C8orf34: variants seen among roughly 807,000 people sequenced by gnomAD.
C8orf34 encodes chromosome 8 open reading frame 34.
C8orf34 carries 65 observed loss-of-function variants against 68.3 expected under a neutral mutation model. The ratio of observed to expected loss-of-function variants is 0.95; its 90% CI spans 0.78 to 1.17. C8orf34 has a LOEUF of 1.17. Ranked by LOEUF, C8orf34 falls within the 50% of genes most tolerant of loss-of-function variation. The pLI is 0.00. For missense variants in C8orf34, 664 were observed against 655.4 expected, an observed-to-expected ratio of 1.01 and a Z score of -0.14; for synonymous variants, 244 against 241.2, an observed-to-expected ratio of 1.01 and a Z score of -0.11.
intron 1 of C8orf34, among the ~76,000 whole-genome samples, chr8:68,359,995 G>A (rs1292760783): frequency 6.6e-6 from 1 of 152,114 alleles, no homozygotes; most frequent in Admixed American, 6.5e-5. Context: ...ATTTCATGGA[G>A]GTGATCTTAT....
At chr8:68,606,961 G>T (rs1193775707) in intron 7 of C8orf34, among the ~76,000 whole-genome samples, 1 of 152,096 alleles carries the variant, frequency 6.6e-6, no homozygotes, top group Admixed American at 6.6e-5. Flanking sequence ...GGCCACAGGA[G>T]TAAAATGTTG....
At chr8:68,666,330 C>G (rs920369404) in intron 8 of C8orf34, among the ~76,000 whole-genome samples, 3 of 152,066 alleles carry the variant, frequency 2.0e-5, no homozygotes, top group Non-Finnish European at 4.4e-5. Context: ...AAGAAAGTAC[C>G]CCATGTCTTT....
chr8:68,711,288 G>C (rs1821323258), intron 9 of C8orf34, among the ~76,000 whole-genome samples: 1 of 152,064 alleles, frequency 6.6e-6, no homozygotes, highest in South Asian at 2.1e-4. Context: ...GATCATACGA[G>C]CTCACAAGCA....
chr8:68,739,022 A>G (rs1328692594), intron 10 of C8orf34, among the ~76,000 whole-genome samples: 1 of 152,196 alleles, frequency 6.6e-6, no homozygotes, highest in Non-Finnish European at 1.5e-5. Context: ...AATATTCTTA[A>G]TGAATGTTGA....
intron 10 of C8orf34, among the ~76,000 whole-genome samples, chr8:68,738,847 A>G (rs1427712944): frequency 6.6e-6 from 1 of 152,190 alleles, no homozygotes; most frequent in Non-Finnish European, 1.5e-5. Context: ...GCTGAATTCT[A>G]CCAGATGTAC....
At chr8:68,745,040 C>T (rs1290136385) in intron 10 of C8orf34, among the ~76,000 whole-genome samples, 1 of 152,118 alleles carries the variant, frequency 6.6e-6, no homozygotes, top group African/African-American at 2.4e-5. Flanking sequence ...GATCTCTCGG[C>T]AGAAACCCTA....
chr8:68,345,649 G>A (rs1159934950), intron 1 of C8orf34, among the ~76,000 whole-genome samples: 1 of 151,582 alleles, frequency 6.6e-6, no homozygotes, highest in African/African-American at 2.4e-5. Flanking sequence ...ATACAGAAAG[G>A]AATTGAATAA....
At chr8:68,501,287 T>C (rs894435084) in intron 5 of C8orf34, among the ~76,000 whole-genome samples, 2 of 152,110 alleles carry the variant, frequency 1.3e-5, no homozygotes, top group Non-Finnish European at 2.9e-5. Context: ...TCTGAAGACC[T>C]AAGTAGTGTC....
At chr8:68,768,211 G>A (rs1451108508) in intron 10 of C8orf34, among the ~76,000 whole-genome samples, 4 of 152,158 alleles carry the variant, frequency 2.6e-5, no homozygotes, top group African/African-American at 9.7e-5. Flanking sequence ...ATTTTGCAAT[G>A]CCCCTGGTAG....
chr8:68,812,437 C>A (rs532223192), intron 12 of C8orf34, among the ~76,000 whole-genome samples: 14 of 151,998 alleles, frequency 9.2e-5, no homozygotes, highest in African/African-American at 3.1e-4. Context: ...TTCTTCAGAC[C>A]AAAAACATAG....
intron 3 of C8orf34, among the ~76,000 whole-genome samples, chr8:68,463,925 T>A (rs536969701): frequency 5.3e-5 from 8 of 152,166 alleles, no homozygotes; most frequent in Non-Finnish European, 1.0e-4. Context: ...CAACATAGTG[T>A]TGGAAGTTCT....
At chr8:68,721,146 C>T (rs1157192844) in intron 9 of C8orf34, among the ~76,000 whole-genome samples, 1 of 151,896 alleles carries the variant, frequency 6.6e-6, no homozygotes, top group Admixed American at 6.6e-5. Context: ...CCATTCCTGA[C>T]ATTATTGTGC....
chr8:68,787,003 G>A (rs1286868638), intron 11 of C8orf34, among the ~76,000 whole-genome samples: 1 of 151,754 alleles, frequency 6.6e-6, no homozygotes, highest in Non-Finnish European at 1.5e-5. Flanking sequence ...AGAAGAGGAA[G>A]GAGGCAGTGA....
chr8:68,566,505 C>T (rs1816593196), intron 7 of C8orf34, among the ~76,000 whole-genome samples: 1 of 152,224 alleles, frequency 6.6e-6, no homozygotes, highest in South Asian at 2.1e-4. Flanking sequence ...TGAGCACTTG[C>T]TGCTTCACCT....
intron 5 of C8orf34, among the ~76,000 whole-genome samples, chr8:68,510,582 C>T (rs57093474): frequency 0.1 from 15,709 of 152,028 alleles, 2,703 homozygotes; most frequent in African/African-American, 0.35. Context: ...TAATGACAAA[C>T]GTATGATAAG....
At chr8:68,684,306 G>T (rs549203516) in intron 8 of C8orf34, among the ~76,000 whole-genome samples, 1 of 152,224 alleles carries the variant, frequency 6.6e-6, no homozygotes, top group African/African-American at 2.4e-5. Context: ...GGAAGAAAAC[G>T]AGACAGGACC....
chr8:68,444,949 C>T (rs1241334637), intron 2 of C8orf34, among the ~76,000 whole-genome samples: 2 of 152,092 alleles, frequency 1.3e-5, no homozygotes, highest in Non-Finnish European at 2.9e-5. Context: ...TATAGAAAGA[C>T]AAATTCTGAA....
chr8:68,408,080 C>T (rs1479242757), intron 1 of C8orf34, among the ~76,000 whole-genome samples: 3 of 151,934 alleles, frequency 2.0e-5, no homozygotes, highest in Non-Finnish European at 4.4e-5. Flanking sequence ...ACAGTTGGTC[C>T]CCATTGCTCT....
At chr8:68,613,025 T>A (rs1818068880) in intron 7 of C8orf34, among the ~76,000 whole-genome samples, 1 of 152,166 alleles carries the variant, frequency 6.6e-6, no homozygotes, top group South Asian at 2.1e-4. Context: ...TGAATATATA[T>A]TGGTGGTTTT....
Sources: gnomAD v4.1 joint callset for allele counts (sites outside exome capture counted in the v4.1 genomes callset) on GRCh38, gnomAD v4.1.1 for gene constraint, MANE v1.5 for transcripts, NCBI Gene and HGNC (gene_info 2026-07-23, HGNC 2026-07-21) for gene names.